Variants in THRB observed in about 807,000 individuals in gnomAD.
The protein encoded by THRB is nuclear receptor subfamily 1 group A member 2.
Under a neutral mutation model 47.8 loss-of-function variants are expected in THRB, and 12 were observed. The observed-to-expected ratio is 0.25, with a 90% CI of 0.16 to 0.41. THRB has a LOEUF of 0.41. Ranked by LOEUF, THRB falls within the 10% of genes least tolerant of loss-of-function variation. The pLI is 1.00. For missense variants in THRB, 348 were observed against 589.2 expected, an observed-to-expected ratio of 0.59 and a Z score of 4.24; for synonymous variants, 218 against 212.2, an observed-to-expected ratio of 1.03 and a Z score of -0.24.
intron 5 of THRB, among the ~76,000 whole-genome samples, chr3:24,171,857 A>C (rs1421982004): frequency 6.6e-6 from 1 of 152,082 alleles, no homozygotes. Context: ...CTCCTCCCCT[A>C]CCACTACTGT....
intron 1 of THRB, among the ~76,000 whole-genome samples, chr3:24,367,956 G>A (rs570501149): frequency 2.0e-5 from 3 of 152,188 alleles, no homozygotes; most frequent in African/African-American, 7.2e-5. Context: ...TTTACTTTAA[G>A]CCCAAATCCT....
intron 1 of THRB, among the ~76,000 whole-genome samples, chr3:24,419,276 C>T (rs2069020891): frequency 6.6e-6 from 1 of 151,880 alleles, no homozygotes; most frequent in African/African-American, 2.4e-5. Context: ...AGGTCAGCGA[C>T]CCTAGCTACT....
chr3:24,333,619 T>A (rs946711302), intron 2 of THRB, among the ~76,000 whole-genome samples: 19 of 152,212 alleles, frequency 1.2e-4, no homozygotes, highest in Non-Finnish European at 2.6e-4. Flanking sequence ...GATCAGGAAA[T>A]TTGTGTGCAT....
At chr3:24,284,459 A>T (rs1320358147) in intron 3 of THRB, among the ~76,000 whole-genome samples, 1 of 151,750 alleles carries the variant, frequency 6.6e-6, no homozygotes, top group Non-Finnish European at 1.5e-5. Context: ...TAAACGTTAG[A>T]CCTAAAACCA....
At chr3:24,493,524 A>G (rs1698504716) in intron 1 of THRB, among the ~76,000 whole-genome samples, 1 of 152,248 alleles carries the variant, frequency 6.6e-6, no homozygotes. Flanking sequence ...GAATCTCACT[A>G]GTACCCAAGA....
chr3:24,305,855 G>T (rs76577557), intron 2 of THRB, among the ~76,000 whole-genome samples: 1,681 of 152,166 alleles, frequency 0.011, 32 homozygotes, highest in African/African-American at 0.038. Context: ...TCAAAATCAG[G>T]TTTACCTTCC....
intron 4 of THRB, among the ~76,000 whole-genome samples, chr3:24,222,703 T>G (rs2047279654): frequency 6.6e-6 from 1 of 152,196 alleles, no homozygotes; most frequent in Non-Finnish European, 1.5e-5. Context: ...AGATTTTTAT[T>G]TCTTTTAGAA....
At chr3:24,489,896 C>G (rs1445988878) in intron 1 of THRB, among the ~76,000 whole-genome samples, 1 of 152,134 alleles carries the variant, frequency 6.6e-6, no homozygotes. Flanking sequence ...CATTTTAAAT[C>G]AGAAGCTCAC....
At chr3:24,330,335 A>G (rs1208335700) in intron 2 of THRB, among the ~76,000 whole-genome samples, 1 of 152,146 alleles carries the variant, frequency 6.6e-6, no homozygotes, top group African/African-American at 2.4e-5. Context: ...AAAAGATTTC[A>G]TTTCAAGGGT....
chr3:24,386,368 T>A (rs956342161), intron 1 of THRB, among the ~76,000 whole-genome samples: 1 of 152,122 alleles, frequency 6.6e-6, no homozygotes, highest in African/African-American at 2.4e-5. Context: ...GTCCCTCTAT[T>A]TACCTGTCTA....
chr3:24,339,332 C>A (rs1317729442), intron 1 of THRB, among the ~76,000 whole-genome samples: 2 of 152,082 alleles, frequency 1.3e-5, no homozygotes, highest in Non-Finnish European at 2.9e-5. Flanking sequence ...TGTCTAATTT[C>A]ACATAAGGTA....
intron 5 of THRB, among the ~76,000 whole-genome samples, chr3:24,171,326 C>T (rs1228873585): frequency 6.6e-6 from 1 of 152,138 alleles, no homozygotes; most frequent in Non-Finnish European, 1.5e-5. Flanking sequence ...ATCAGTTCAA[C>T]TCCAGAGATG....
At chr3:24,313,549 C>A (rs902726268) in intron 2 of THRB, among the ~76,000 whole-genome samples, 9 of 152,162 alleles carry the variant, frequency 5.9e-5, no homozygotes, top group Non-Finnish European at 1.3e-4. Context: ...CTCTCTACTT[C>A]TTAAAGAAAG....
At chr3:24,216,772 A>G (rs1469073136) in intron 4 of THRB, among the ~76,000 whole-genome samples, 1 of 152,214 alleles carries the variant, frequency 6.6e-6, no homozygotes, top group Non-Finnish European at 1.5e-5. Flanking sequence ...TGAGAAACTT[A>G]AAGAATTTAC....
intron 3 of THRB, among the ~76,000 whole-genome samples, chr3:24,259,565 T>G (rs2051709344): frequency 1.3e-5 from 2 of 151,446 alleles, no homozygotes; most frequent in South Asian, 4.2e-4. Flanking sequence ...AACAGCCACT[T>G]TGGTCCAAGT....
chr3:24,433,168 A>G (rs2070616759), intron 1 of THRB, among the ~76,000 whole-genome samples: 1 of 152,134 alleles, frequency 6.6e-6, no homozygotes, highest in African/African-American at 2.4e-5. Flanking sequence ...AATAATAACA[A>G]TACCTATCTG....
At chr3:24,409,073 T>C (rs935271403) in intron 1 of THRB, among the ~76,000 whole-genome samples, 1 of 151,840 alleles carries the variant, frequency 6.6e-6, no homozygotes, top group Admixed American at 6.6e-5. Context: ...TTTTTATTTA[T>C]AGTCTTCTAA....
chr3:24,166,358 G>A (rs904006429), intron 5 of THRB, among the ~76,000 whole-genome samples: 1 of 152,100 alleles, frequency 6.6e-6, no homozygotes, highest in South Asian at 2.1e-4. Context: ...AGTAGTGCGT[G>A]GAAAACTGTA....
At chr3:24,299,678 G>A (rs1197987288) in intron 2 of THRB, among the ~76,000 whole-genome samples, 1 of 151,082 alleles carries the variant, frequency 6.6e-6, no homozygotes, top group African/African-American at 2.4e-5. Flanking sequence ...AGAATTGGCT[G>A]AAATTGTGGT....
Sources: gnomAD v4.1 joint callset for allele counts (sites outside exome capture counted in the v4.1 genomes callset) on GRCh38, gnomAD v4.1.1 for gene constraint, MANE v1.5 for transcripts, NCBI Gene and HGNC (gene_info 2026-07-23, HGNC 2026-07-21) for gene names.